AHR: variants seen among roughly 807,000 people sequenced by gnomAD.
AHR encodes AH-receptor.
AHR carries 40 observed loss-of-function variants against 86.8 expected under a neutral mutation model. That is an observed-to-expected ratio of 0.46 (90% CI 0.36 to 0.60). The LOEUF is 0.60. Ranked by LOEUF, AHR falls within the 20% of genes least tolerant of loss-of-function variation. The pLI is 0.00. For synonymous variants in AHR, 398 were observed against 354.9 expected, an observed-to-expected ratio of 1.12 and a Z score of -1.37; for missense variants, 1,001 against 1,011.6, an observed-to-expected ratio of 0.99 and a Z score of 0.14.
intron 7 of AHR, 89 bp downstream of exon 7, chr7:17,334,203 A>AC: frequency 8.8e-7 from 1 of 1,138,448 alleles, no homozygotes; most frequent in Non-Finnish European, 1.3e-6. Context: ...CAGTGTATGT[A>AC]ATATTGTTTA....
chr7:17,345,259 G>A lies in AHR; in HGVS notation c.*2195G>A, dbSNP rs1782470735. ...GAACCTGGGAATCGGAGGTTGCAGA[G>A]CCAAGATCGCCCCACTGCACTCCAG... On this transcript the variant is annotated 3_prime_UTR_variant, in exon 11 of 11. Transcript: ENST00000242057. 6.6e-6 allele frequency: 1 copy of A among 151,284 alleles called. No homozygotes were observed. The highest frequency in any genetic ancestry group is 1.5e-5 in the Non-Finnish European group (1 of 67,890). 9.4% of individuals were successfully genotyped at this position (151,284 alleles called of 1,614,324 possible).
rs138548361 is a variant in AHR, at chr7:17,325,882, C to T, written c.361-1877C>T. Reference sequence around the variant, plus strand: ...TACCTGGGTGATGAAATAATCTGTACAACAAACCCTCATGACACAAGTTTA... The same window carrying T: ...TACCTGGGTGATGAAATAATCTGTATAACAAACCCTCATGACACAAGTTTA... On this transcript the variant is annotated intron_variant, in intron 3 of 10. Coordinates refer to ENST00000242057, the MANE Select transcript of AHR (RefSeq NM_001621.5). 5.5e-4 allele frequency among the ~76,000 whole-genome samples: 84 copies of T among 152,238 alleles called. No individual in the cohort carries two copies. The East Asian group carries it at 0.01, about 19-fold the overall frequency.
intron 3 of AHR, among the ~76,000 whole-genome samples, chr7:17,323,923 A>G (rs970894588): frequency 6.6e-6 from 1 of 152,194 alleles, no homozygotes; most frequent in Non-Finnish European, 1.5e-5. Context: ...TGGGTTTTCT[A>G]CTAAGGGCCT....
chr7:17,332,440 G>A (rs971317941), intron 6 of AHR, among the ~76,000 whole-genome samples: 31 of 151,706 alleles, frequency 2.0e-4, no homozygotes, highest in Non-Finnish European at 3.8e-4. Flanking sequence ...TATTGCCCCC[G>A]CAGACCTTCC....
intron 1 of AHR, among the ~76,000 whole-genome samples, chr7:17,303,609 A>G (rs1003146795): frequency 6.6e-6 from 1 of 151,918 alleles, no homozygotes; most frequent in African/African-American, 2.4e-5. Context: ...GCTGCATAAT[A>G]CTCTGTTGTA....
intron 2 of AHR, among the ~76,000 whole-genome samples, chr7:17,319,786 T>C (rs187837932): frequency 2.6e-5 from 4 of 152,160 alleles, no homozygotes; most frequent in Admixed American, 6.6e-5. Context: ...GAGCAAGAAA[T>C]AGAAGAAAAA....
At chr7:17,327,539 A>G (rs1188155543) in intron 3 of AHR, among the ~76,000 whole-genome samples, 2 of 151,968 alleles carry the variant, frequency 1.3e-5, no homozygotes, top group Non-Finnish European at 2.9e-5. Context: ...TACCAAAGTT[A>G]TTCTGATTGA....
intron 2 of AHR, among the ~76,000 whole-genome samples, chr7:17,319,883 A>T (rs1782151388): frequency 6.6e-6 from 1 of 152,132 alleles, no homozygotes; most frequent in Admixed American, 6.6e-5. Flanking sequence ...GTGTTTTTTT[A>T]AATGATTTTA....
At chr7:17,300,558 G>A (rs908385977) in intron 1 of AHR, among the ~76,000 whole-genome samples, 3 of 152,184 alleles carry the variant, frequency 2.0e-5, no homozygotes, top group African/African-American at 7.2e-5. Context: ...GGCATTAACA[G>A]AGGATAATAA....
At chr7:17,335,601 T>G in intron 8 of AHR, 44 bp from the exon 9 acceptor site, 1 of 1,487,370 alleles carries the variant, frequency 6.7e-7, no homozygotes, top group Non-Finnish European at 9.1e-7. Flanking sequence ...CTTTACTATA[T>G]TGATTTGGGG....
At chr7:17,312,412 T>G (rs1782074971) in intron 2 of AHR, among the ~76,000 whole-genome samples, 1 of 152,224 alleles carries the variant, frequency 6.6e-6, no homozygotes, top group Non-Finnish European at 1.5e-5. Flanking sequence ...AGTACATATG[T>G]GTGTATCTAG....
chr7:17,327,747 C>T lies in AHR; in HGVS notation c.361-12C>T. The T allele has an allele frequency of 1.3e-6, 2 of 1,522,230 alleles. No homozygotes were observed. The highest frequency in any genetic ancestry group is 1.2e-5 in the South Asian group (1 of 81,722). The allele number at this position is 1,522,230 out of a possible 1,614,324, so 94.3% of individuals were successfully genotyped here. On this transcript the variant is annotated splice_polypyrimidine_tract_variant and intron_variant, in intron 3 of 10. Transcript: ENST00000242057. ...GTCATATTACTAATTTTAGAACTTCCTTTCCTTGTAGGCTCTGAATGGCTT... is the reference window on the plus strand; with the variant it reads ...GTCATATTACTAATTTTAGAACTTCTTTTCCTTGTAGGCTCTGAATGGCTT...
At chr7:17,321,699 T>C (rs2115358949) in intron 2 of AHR, among the ~76,000 whole-genome samples, 1 of 151,870 alleles carries the variant, frequency 6.6e-6, no homozygotes, top group East Asian at 1.9e-4. Context: ...CAGACTTTCC[T>C]TCACATATAT....
intron 3 of AHR, among the ~76,000 whole-genome samples, chr7:17,323,268 G>T (rs949320392): frequency 2.0e-5 from 3 of 152,020 alleles, no homozygotes; most frequent in Non-Finnish European, 2.9e-5. Flanking sequence ...ATTGTTAAAT[G>T]CATTTCTTAA....
intron 9 of AHR, among the ~76,000 whole-genome samples, chr7:17,336,391 C>T (rs1441852736): frequency 6.6e-6 from 1 of 152,044 alleles, no homozygotes; most frequent in Non-Finnish European, 1.5e-5. Flanking sequence ...TTAATAGCTC[C>T]ATTAGTGCAG....
chr7:17,340,292 C>A, intron 10 of AHR, 64 bp downstream of exon 10: 1 of 1,500,270 alleles, frequency 6.7e-7, no homozygotes, highest in Non-Finnish European at 8.9e-7. Context: ...AGACATGTTA[C>A]ACATTTTTTA....
At position 17,345,918 on chromosome 7, in the gene AHR, A is replaced by C. The variant is rs1049566369; in HGVS notation, c.*2854A>C. 6.5e-6 allele frequency: 1 copy of C among 152,714 alleles called. No homozygotes were observed. Among genetic ancestry groups the C allele is most frequent in the Non-Finnish European group, 1.5e-5 (1 of 68,016 alleles). The allele number at this position is 152,714 out of a possible 1,614,324, so 9.5% of individuals were successfully genotyped here. On this transcript the variant is annotated 3_prime_UTR_variant, in exon 11 of 11. Transcript: ENST00000242057. ...TCCTGTACCAGGTTTTTCTTACAAT[A>C]CCTGAAGACTTACCAGTATTCTAGT...
At chr7:17,342,744 A>C (rs1782439337) in intron 10 of AHR, among the ~76,000 whole-genome samples, 177 bp from the exon 11 acceptor site, 1 of 152,170 alleles carries the variant, frequency 6.6e-6, no homozygotes, top group African/African-American at 2.4e-5. Flanking sequence ...CTAATACATA[A>C]TATGTCCTCA....
At position 17,330,068 on chromosome 7, in the gene AHR, A is replaced by C; in HGVS notation, c.567A>C (p.Gly189=). ...CTCAGTGTACAGAGTCTGGACAAGG[A>C]ATTGAAGGTAAGAATTGATGGTACA... is the stretch of plus-strand genomic sequence containing the variant. The part of the protein sequence containing the change: ...NPSQCTESGQ[G]IEEATGLPQT... Residue 189 remains glycine, a synonymous_variant, in exon 5 of 11, where the codon GGA becomes GGC. Coordinates refer to ENST00000242057, the MANE Select transcript of AHR (RefSeq NM_001621.5). The C allele has an allele frequency of 6.2e-7, 1 of 1,606,874 alleles. No individual in the cohort carries two copies. The highest frequency in any genetic ancestry group is 8.5e-7 in the Non-Finnish European group (1 of 1,176,746).
Sources: allele counts gnomAD v4.1 joint callset (sites outside exome capture counted in the v4.1 genomes callset), GRCh38; gene constraint gnomAD v4.1.1; transcripts MANE v1.5; gene names NCBI Gene and HGNC (gene_info 2026-07-23, HGNC 2026-07-21).